The following RBFOX3 variants were observed in gnomAD, a reference collection of about 807,000 sequenced individuals.
RBFOX3 encodes RNA binding protein fox-1 homolog 3.
Under a neutral mutation model 48.7 loss-of-function variants are expected in RBFOX3, and 17 were observed. That is an observed-to-expected ratio of 0.35 (90% confidence interval 0.24 to 0.52). The LOEUF (loss-of-function observed/expected upper bound fraction) is 0.52. Among genes scored for constraint, RBFOX3 ranks in the 20% least tolerant of loss-of-function variants. The probability of loss-of-function intolerance (pLI) is 0.94; values close to 1 mark genes in which losing one functional copy is unlikely to be tolerated. For missense variants in RBFOX3, 382 were observed against 497.5 expected, an observed-to-expected ratio of 0.77 and a Z score of 2.21; for synonymous variants, 212 against 209.5, an observed-to-expected ratio of 1.01 and a Z score of -0.10.
intron 2 of RBFOX3, among the ~76,000 whole-genome samples, chr17:79,318,355 G>T (rs1182405015): frequency 2.0e-5 from 3 of 152,190 alleles, no homozygotes; most frequent in African/African-American, 4.8e-5. Flanking sequence ...GCTGGGGGCA[G>T]AGGAGCTGGG....
intron 4 of RBFOX3, among the ~76,000 whole-genome samples, chr17:79,183,746 G>C (rs1157086466): frequency 2.0e-5 from 3 of 152,176 alleles, no homozygotes; most frequent in Admixed American, 6.5e-5. Flanking sequence ...GCGGTGGGAG[G>C]GGGAGTCCCT....
rs1600082383 is a variant in RBFOX3 at position 79,220,219 on chromosome 17, G to GCTC, written c.-34+15546_-34+15547insGAG. ...ATCATTTCGGAACCGCGGCTCCACA[G>GCTC]CAGGCTCCCGGGGAGGAGGGGAGGA... On this transcript the variant is annotated intron_variant, in intron 4 of 14. Transcript: ENST00000693108. The surrounding 1 kb of genome is among the most constrained non-coding windows in gnomAD (Gnocchi z 5.9). Among the ~76,000 whole-genome samples the GCTC allele has an allele frequency of 6.6e-6, 1 of 152,182 alleles. No homozygotes were observed. The highest frequency in any genetic ancestry group is 1.9e-4 in the East Asian group (1 of 5,176).
At chr17:79,428,198 G>A (rs2067737275) in intron 2 of RBFOX3, among the ~76,000 whole-genome samples, 1 of 152,244 alleles carries the variant, frequency 6.6e-6, no homozygotes, top group Non-Finnish European at 1.5e-5. Flanking sequence ...TGGCTCCTGG[G>A]TGTGGCACCA....
chr17:79,629,546 C>T, the RBFOX3 span, among the ~76,000 whole-genome samples: 5 of 152,290 alleles, frequency 3.3e-5, no homozygotes, highest in East Asian at 1.9e-4. Context: ...TGGTGGGATT[C>T]GGAGTCAGTG....
chr17:79,611,217 C>CTCTCTCTCTCTCTCTCTCTCTCT (rs2093967029), upstream of RBFOX3, among the ~76,000 whole-genome samples: 14 of 135,168 alleles, frequency 1.0e-4, no homozygotes, highest in East Asian at 1.4e-3. Context: ...CTCTCTCGTT[C>CTCTCTCTCTCTCTCTCTCTCTCT]CTCTGGCTCG....
rs968638485 is a variant in RBFOX3, at chr17:79,214,250, C to T, written c.-34+21516G>A. ...ACGCACGGAGCTATCTCACTTACAA[C>T]GTGAAAGTGGCTGTGTGTTGGTTGC... is the stretch of plus-strand genomic sequence containing the variant. On this transcript the variant is annotated intron_variant, in intron 4 of 14. Transcript: ENST00000693108. This position sits in a 1 kb window ranked among gnomAD's most constrained non-coding sequence, Gnocchi z 4.7. Among the ~76,000 whole-genome samples the T allele has an allele frequency of 2.0e-4, 30 of 152,254 alleles. No homozygotes were observed. Among genetic ancestry groups the T allele is most frequent in the African/African-American group, 5.1e-4 (21 of 41,546 alleles).
chr17:79,270,546 T>G (rs971603134), intron 3 of RBFOX3, among the ~76,000 whole-genome samples: 3 of 152,340 alleles, frequency 2.0e-5, no homozygotes, highest in Admixed American at 2.0e-4. Context: ...TTCTTTCCCT[T>G]TGCCACTGGG....
intron 1 of RBFOX3, among the ~76,000 whole-genome samples, chr17:79,509,874 G>A (rs2149832964): frequency 6.6e-6 from 1 of 152,146 alleles, no homozygotes; most frequent in East Asian, 1.9e-4. Context: ...CAGTTGCCAA[G>A]AGCAGGCACT....
the RBFOX3 span, among the ~76,000 whole-genome samples, chr17:79,648,521 A>G: frequency 3.3e-5 from 5 of 152,188 alleles, no homozygotes; most frequent in Admixed American, 6.5e-5. Context: ...TGCCTGAAGC[A>G]TGTCCAGCAA....
intron 3 of RBFOX3, among the ~76,000 whole-genome samples, chr17:79,256,901 G>A (rs1174821947): frequency 6.6e-6 from 1 of 151,370 alleles, no homozygotes; most frequent in African/African-American, 2.4e-5. Context: ...CAGCCTGGGC[G>A]ACAGAGTGAG....
rs928373200 is a variant in RBFOX3, at chr17:79,510,466, A to G, written c.-319-27868T>C. Among the ~76,000 whole-genome samples, 37 of 152,288 alleles carry G rather than the reference A, an allele frequency of 2.4e-4. No individual in the cohort carries two copies. In the South Asian group the frequency reaches 6.0e-3, roughly 25 times the overall value. ...TTTCTGTGCACCCTCAGCCGCACCAAATCCCATAACCTTCATGTTCGGGGC... is the reference window on the plus strand; with the variant it reads ...TTTCTGTGCACCCTCAGCCGCACCAGATCCCATAACCTTCATGTTCGGGGC... On this transcript the variant is annotated intron_variant, in intron 1 of 14. Transcript: ENST00000693108.
At chr17:79,511,263 C>A (rs1326165252) in intron 1 of RBFOX3, among the ~76,000 whole-genome samples, 2 of 152,194 alleles carry the variant, frequency 1.3e-5, no homozygotes, top group African/African-American at 4.8e-5. Flanking sequence ...TCCGCTTAGA[C>A]GAAACTCTGT....
chr17:79,611,169 T>TCTCGCTCTCGCTCTCGCTCTCGCTCTCG (rs2093963785), upstream of RBFOX3, among the ~76,000 whole-genome samples: 68 of 25,924 alleles, frequency 2.6e-3, 11 homozygotes, highest in Admixed American at 5.5e-3. Context: ...TCTCTCTCTC[T>TCTCGCTCTCGCTCTCGCTCTCGCTCTCG]CTCTCCGCCC....
At chr17:79,385,907 A>G (rs913147885) in intron 2 of RBFOX3, among the ~76,000 whole-genome samples, 1 of 143,976 alleles carries the variant, frequency 6.9e-6, no homozygotes, top group Non-Finnish European at 1.5e-5. Context: ...ATCACCTCCC[A>G]TTAGAGAGAG....
At chr17:79,620,152 C>G in the RBFOX3 span, among the ~76,000 whole-genome samples, 1 of 79,596 alleles carries the variant, frequency 1.3e-5, no homozygotes, top group African/African-American at 5.4e-5. Context: ...CACACACATG[C>G]ACGCGCGGAC....
intron 5 of RBFOX3, among the ~76,000 whole-genome samples, chr17:79,107,766 A>G (rs746284156): frequency 2.9e-4 from 44 of 152,196 alleles, no homozygotes; most frequent in Non-Finnish European, 3.5e-4. Context: ...ATGCAGCCAA[A>G]CCGCAGGTGC....
rs1399805536 is a variant in RBFOX3, at chr17:79,471,429, C to T, written c.-175+11025G>A. On this transcript the variant is annotated intron_variant, in intron 2 of 14. Coordinates refer to ENST00000693108, the MANE Select transcript of RBFOX3 (RefSeq NM_001350451.2). This position sits in a 1 kb window ranked among gnomAD's most constrained non-coding sequence, Gnocchi z 4.0. ...GCAACAGAATGGTTTAGAATAATGACCCATCCAATGACATTCTGGCTCACA... is the reference window on the plus strand; with the variant it reads ...GCAACAGAATGGTTTAGAATAATGATCCATCCAATGACATTCTGGCTCACA... Among the ~76,000 whole-genome samples, 1 of 152,164 alleles carries T rather than the reference C, an allele frequency of 6.6e-6. No homozygotes were observed. Among genetic ancestry groups the T allele is most frequent in the Non-Finnish European group, 1.5e-5 (1 of 68,038 alleles).
At chr17:79,641,390 G>T in the RBFOX3 span, among the ~76,000 whole-genome samples, 1 of 152,152 alleles carries the variant, frequency 6.6e-6, no homozygotes, top group Non-Finnish European at 1.5e-5. Context: ...AAAACAGTAT[G>T]GAGTCCTTAA....
chr17:79,267,905 T>A (rs2066985659), intron 3 of RBFOX3, among the ~76,000 whole-genome samples: 1 of 152,086 alleles, frequency 6.6e-6, no homozygotes, highest in African/African-American at 2.4e-5. Flanking sequence ...GAAGGAGGTG[T>A]CTCTCCAGCC....
Sources: gnomAD v4.1 joint callset for allele counts (sites outside exome capture counted in the v4.1 genomes callset) on GRCh38, gnomAD v4.1.1 for gene constraint, Gnocchi (gnomAD v3.1) non-coding constraint, MANE v1.5 for transcripts, NCBI Gene and HGNC (gene_info 2026-07-23, HGNC 2026-07-21) for gene names.